UQCC1: variants seen among roughly 807,000 people sequenced by gnomAD.
UQCC1 encodes the protein ubiquinol-cytochrome c reductase complex assembly factor 1, also known as bFGF-repressed Zic-binding protein.
A neutral mutation model predicts 48.0 loss-of-function variants in UQCC1; 38 were observed. The ratio of observed to expected loss-of-function variants is 0.79; its 90% CI spans 0.61 to 1.04. UQCC1 has a LOEUF of 1.04. Ranked by LOEUF, UQCC1 falls within the 50% of genes least tolerant of loss-of-function variation. The pLI is 0.00. For missense variants in UQCC1, 368 were observed against 381.8 expected (o/e 0.96, Z 0.30); for synonymous variants, 111 against 129.2 (o/e 0.86, Z 0.95).
intron 7 of UQCC1, chr20:35,346,885 C>A: frequency 9.4e-7 from 1 of 1,062,038 alleles, no homozygotes; most frequent in Non-Finnish European, 1.3e-6. Flanking sequence ...TTCACCAAAT[C>A]CATCCCTCCT....
At chr20:35,312,208 T>C (rs1437188545) in intron 8 of UQCC1, among the ~76,000 whole-genome samples, 2 of 152,204 alleles carry the variant, frequency 1.3e-5, no homozygotes, top group Non-Finnish European at 2.9e-5. Context: ...ACTTTTATAA[T>C]TGATATGTAC....
rs114436257 is a variant in UQCC1 at position 35,359,869 on chromosome 20, G to A, written c.464+6688C>T. On this transcript the variant is annotated intron_variant, in intron 6 of 9. Transcript: ENST00000374385. The stretch of plus-strand genomic sequence containing the variant: ...GGCACACTGACCCTTTTCCAGGGCT[G>A]TGTACATGGCTATCTCCACCTGGTT... Among the ~76,000 whole-genome samples the A allele has an allele frequency of 2.4e-3, 369 of 152,258 alleles. 1 individual carries two copies. The highest frequency in any genetic ancestry group is 8.3e-3 in the African/African-American group (343 of 41,548).
At chr20:35,371,943 G>A (rs1189084145) in intron 5 of UQCC1, among the ~76,000 whole-genome samples, 3 of 152,018 alleles carry the variant, frequency 2.0e-5, no homozygotes, top group African/African-American at 2.4e-5. Flanking sequence ...TTGAGCCCAG[G>A]AGTAAAAGGA....
chr20:35,341,914 C>T, intron 7 of UQCC1, among the ~76,000 whole-genome samples: 1 of 152,114 alleles, frequency 6.6e-6, no homozygotes, highest in Non-Finnish European at 1.5e-5. Context: ...GTAGGTTTCA[C>T]ATATTTAAGG....
At position 35,304,021 on chromosome 20, in the gene UQCC1, C is replaced by T. The variant is rs41290916; in HGVS notation, c.814G>A (p.Glu272Lys). 1,597 of 1,614,160 alleles carry T rather than the reference C, an allele frequency of 9.9e-4. 2 individuals are homozygous for T. Among genetic ancestry groups the T allele is most frequent in the Admixed American group, 1.2e-3 (74 of 60,026 alleles). Residue 272 changes from glutamate (E) to lysine (K), a missense_variant, in exon 10 of 10, where the codon GAG becomes AAG. Physicochemically the swap from Glu to Lys is moderately conservative, Grantham distance 56. Coordinates refer to ENST00000374385, the MANE Select transcript of UQCC1 (RefSeq NM_018244.5). ...TCCACTAGAGGGCGCCAGCTCACCT[C>T]CCCTGTCAGAAGCAGATCCTCCCCG... is the stretch of plus-strand genomic sequence containing the variant. The part of the protein sequence containing the change: ...MNGEDLLLTG[E>K]VSWRPLVEKN...
chr20:35,324,480 C>A (rs141610729), intron 7 of UQCC1, among the ~76,000 whole-genome samples: 10 of 152,328 alleles, frequency 6.6e-5, no homozygotes, highest in African/African-American at 2.2e-4. Context: ...GTGCCCACCA[C>A]CACGCCCAGC....
At chr20:35,335,988 G>A (rs556557932) in intron 7 of UQCC1, among the ~76,000 whole-genome samples, 8 of 152,186 alleles carry the variant, frequency 5.3e-5, no homozygotes, top group Admixed American at 3.3e-4. Flanking sequence ...TGGGCAGCAC[G>A]GAGAGAACCC....
At chr20:35,306,914 G>T (rs747851381) in intron 8 of UQCC1, 135 bp from the exon 9 acceptor site, 1 of 727,490 alleles carries the variant, frequency 1.4e-6, no homozygotes, top group South Asian at 1.5e-5. Flanking sequence ...GGAAAATGGG[G>T]CAGTCACACA....
chr20:35,396,452 G>T (rs1473092075), intron 1 of UQCC1, among the ~76,000 whole-genome samples: 2 of 151,814 alleles, frequency 1.3e-5, no homozygotes, highest in Non-Finnish European at 1.5e-5. Flanking sequence ...GGGACTAAAG[G>T]CTTGCATAGC....
At chr20:35,311,555 G>A (rs372718452) in intron 8 of UQCC1, among the ~76,000 whole-genome samples, 1 of 152,180 alleles carries the variant, frequency 6.6e-6, no homozygotes, top group Non-Finnish European at 1.5e-5. Flanking sequence ...TCCAAGTGTG[G>A]TCTGCAAAAT....
intron 7 of UQCC1, among the ~76,000 whole-genome samples, chr20:35,324,785 C>A (rs1265122504): frequency 6.6e-6 from 1 of 152,194 alleles, no homozygotes; most frequent in Non-Finnish European, 1.5e-5. Flanking sequence ...GGCGGTTTCT[C>A]AAAAGGCTGA....
At chr20:35,395,172 CA>C (rs1325087031) in intron 1 of UQCC1, among the ~76,000 whole-genome samples, 2 of 152,124 alleles carry the variant, frequency 1.3e-5, no homozygotes, top group African/African-American at 4.8e-5. Context: ...GATTGATTAT[CA>C]CTGATCACTG....
chr20:35,362,541 T>A (rs147149478), intron 6 of UQCC1, among the ~76,000 whole-genome samples: 2,562 of 152,126 alleles, frequency 0.017, 35 homozygotes, highest in Non-Finnish European at 0.025. Flanking sequence ...GTATTTTTAT[T>A]AGAGACAGGG....
chr20:35,375,108 A>C (rs900834930), intron 4 of UQCC1, among the ~76,000 whole-genome samples: 2 of 152,132 alleles, frequency 1.3e-5, no homozygotes, highest in African/African-American at 4.8e-5. Context: ...CTAGAAGCTT[A>C]TTTTTTCTTA....
In UQCC1 at chr20:35,340,225, T is replaced by G. The variant is rs949343366; in HGVS notation, c.573+6939A>C. On this transcript the variant is annotated intron_variant, in intron 7 of 9. Transcript: ENST00000374385. Reference sequence around the variant, plus strand: ...TGCCTGAGGCACCTACTCCTCGAACTCTTGCTACCTCTTAAGGCCTAGGGG... The same window carrying G: ...TGCCTGAGGCACCTACTCCTCGAACGCTTGCTACCTCTTAAGGCCTAGGGG... Among the ~76,000 whole-genome samples the G allele has an allele frequency of 3.9e-5, 6 of 152,276 alleles. No individual in the cohort carries two copies. The East Asian group carries it at 1.2e-3, about 29-fold the overall frequency.
chr20:35,410,769 A>C (rs1347172915), intron 1 of UQCC1, among the ~76,000 whole-genome samples: 3 of 143,310 alleles, frequency 2.1e-5, no homozygotes, highest in South Asian at 4.5e-4. Context: ...AAAAAAAAAA[A>C]AAAAAAAACC....
chr20:35,397,004 C>T (rs1172679054), intron 1 of UQCC1, among the ~76,000 whole-genome samples: 1 of 152,040 alleles, frequency 6.6e-6, no homozygotes, highest in East Asian at 1.9e-4. Flanking sequence ...ATGGGTTCTG[C>T]ATCCATGGAT....
intron 7 of UQCC1, among the ~76,000 whole-genome samples, chr20:35,322,532 G>A (rs1434437904): frequency 6.6e-6 from 1 of 152,006 alleles, no homozygotes; most frequent in African/African-American, 2.4e-5. Context: ...TCGGGAGTTC[G>A]AGACCAGCCT....
intron 6 of UQCC1, among the ~76,000 whole-genome samples, chr20:35,352,856 A>C (rs2061504675): frequency 1.3e-5 from 2 of 152,046 alleles, no homozygotes; most frequent in African/African-American, 4.8e-5. Context: ...CTAATTTTTT[A>C]AATTTTTTTG....
Sources: allele counts gnomAD v4.1 joint callset (sites outside exome capture counted in the v4.1 genomes callset), GRCh38; gene constraint gnomAD v4.1.1; transcripts MANE v1.5; gene names NCBI Gene and HGNC (gene_info 2026-07-23, HGNC 2026-07-21).